COMMD1: variants seen among roughly 807,000 people sequenced by gnomAD.
COMMD1 encodes the protein COMM domain-containing protein 1.
In COMMD1, 10 loss-of-function variants were observed where a neutral mutation model predicts 17.2. That is an observed-to-expected ratio of 0.58 (90% CI 0.36 to 0.99). COMMD1 has a LOEUF of 0.99. COMMD1 is among the 50% of genes least tolerant of loss of function. COMMD1 has a pLI of 0.01. For missense variants in COMMD1, 270 were observed against 231.8 expected (o/e 1.17, Z -1.07); for synonymous variants, 97 against 91.6 (o/e 1.06, Z -0.34).
At chr2:62,130,272 T>G (rs1397109106) in intron 2 of COMMD1, among the ~76,000 whole-genome samples, 16 of 133,632 alleles carry the variant, frequency 1.2e-4, no homozygotes, top group Non-Finnish European at 2.1e-4. Flanking sequence ...TTATGTGACT[T>G]TTTTTTTTTT....
intron 1 of COMMD1, among the ~76,000 whole-genome samples, chr2:61,985,792 CTG>C: frequency 6.6e-6 from 1 of 151,940 alleles, no homozygotes; most frequent in East Asian, 1.9e-4. Flanking sequence ...TGCTTTTTAA[CTG>C]TTTTTTGTTT....
intron 1 of COMMD1, among the ~76,000 whole-genome samples, chr2:61,932,602 G>A (rs1670498807): frequency 6.6e-6 from 1 of 152,210 alleles, no homozygotes; most frequent in Non-Finnish European, 1.5e-5. Flanking sequence ...AGATTTATGT[G>A]TTGATTGGTG....
chr2:62,017,186 T>C (rs1005038434), intron 2 of COMMD1, among the ~76,000 whole-genome samples: 4 of 152,180 alleles, frequency 2.6e-5, no homozygotes, highest in African/African-American at 9.7e-5. Flanking sequence ...AGAGGAAATA[T>C]ATCTGAATTT....
intron 2 of COMMD1, among the ~76,000 whole-genome samples, chr2:62,008,263 A>G (rs13408280): frequency 0.11 from 16,943 of 152,168 alleles, 2,208 homozygotes; most frequent in African/African-American, 0.32. Context: ...AGCCTGAGGA[A>G]TAGTCACCAC....
At chr2:61,904,021 T>A (rs1669715028), upstream of COMMD1, among the ~76,000 whole-genome samples, 1 of 152,188 alleles carries the variant, frequency 6.6e-6, no homozygotes, top group African/African-American at 2.4e-5. Flanking sequence ...ATTATTTTAT[T>A]TTTTTGAGAC....
chr2:62,022,235 A>G (rs1255792697), intron 2 of COMMD1, among the ~76,000 whole-genome samples: 2 of 152,196 alleles, frequency 1.3e-5, no homozygotes, highest in South Asian at 2.1e-4. Context: ...ATAGTATACA[A>G]TCGTATACAA....
At position 62,009,478 on chromosome 2, in the gene COMMD1, G is replaced by T. The variant is rs2103826301; in HGVS notation, c.462+8496G>T. ...AAGTTTGCCAGGCATAGTGGCACAT[G>T]CCTGTAGTCCCAACTACTTGGGAGG... On this transcript the variant is annotated intron_variant, in intron 2 of 2. Coordinates refer to ENST00000311832, the MANE Select transcript of COMMD1 (RefSeq NM_152516.4). Among the ~76,000 whole-genome samples, 4 of 152,054 alleles carry T rather than the reference G, an allele frequency of 2.6e-5. No individual in the cohort carries two copies. In the South Asian group the frequency reaches 8.3e-4, roughly 32 times the overall value.
intron 2 of COMMD1, among the ~76,000 whole-genome samples, chr2:62,043,049 C>G (rs1670283812): frequency 6.6e-6 from 1 of 152,212 alleles, no homozygotes; most frequent in Non-Finnish European, 1.5e-5. Flanking sequence ...TACAGTCTTT[C>G]ACCCGCTAAA....
At chr2:61,960,779 C>G (rs1247892125) in intron 1 of COMMD1, among the ~76,000 whole-genome samples, 1 of 152,174 alleles carries the variant, frequency 6.6e-6, no homozygotes, top group South Asian at 2.1e-4. Flanking sequence ...CGTGCCTTTC[C>G]CTTCTGGAGG....
chr2:62,057,628 G>C (rs1437359350), intron 2 of COMMD1, among the ~76,000 whole-genome samples: 1 of 152,008 alleles, frequency 6.6e-6, no homozygotes, highest in Non-Finnish European at 1.5e-5. Flanking sequence ...GTCTTACTCT[G>C]TTGCCCAGGC....
At chr2:62,123,818 T>G (rs1672818995) in intron 2 of COMMD1, among the ~76,000 whole-genome samples, 2 of 152,016 alleles carry the variant, frequency 1.3e-5, no homozygotes, top group South Asian at 4.1e-4. Context: ...AATAAATCTC[T>G]TGATTTTTAA....
chr2:62,118,843 A>C lies in COMMD1; in HGVS notation c.463-16988A>C, dbSNP rs1672669408. 2.6e-5 allele frequency: 4 copies of C among 152,244 alleles called. No individual in the cohort carries two copies. The South Asian group carries it at 8.3e-4, about 32-fold the overall frequency. 9.4% of individuals were successfully genotyped at this position (152,244 alleles called of 1,614,324 possible). A position where few individuals can be genotyped will look rare whatever the true frequency, so the allele number is the denominator to read the frequency against. ...GTTGTGTTTTTCTTATTTATGGACT[A>C]AATACCAGAAATTATTATTTGTACC... On this transcript the variant is annotated intron_variant, in intron 2 of 2. Transcript: ENST00000311832.
chr2:61,942,396 G>T (rs1258268442), intron 1 of COMMD1, among the ~76,000 whole-genome samples: 1 of 150,906 alleles, frequency 6.6e-6, no homozygotes, highest in African/African-American at 2.4e-5. Context: ...GAGCCACCAC[G>T]CCTGGCTGTT....
At chr2:62,024,243 G>C (rs970687810) in intron 2 of COMMD1, among the ~76,000 whole-genome samples, 1 of 152,012 alleles carries the variant, frequency 6.6e-6, no homozygotes, top group Admixed American at 6.6e-5. Flanking sequence ...TGGAGACAGG[G>C]TCTCCCTCTG....
At chr2:62,104,864 G>T (rs1422274664) in intron 2 of COMMD1, among the ~76,000 whole-genome samples, 1 of 152,016 alleles carries the variant, frequency 6.6e-6, no homozygotes, top group Non-Finnish European at 1.5e-5. Context: ...AGTAGCTCAT[G>T]CCTGTAGTCC....
chr2:61,911,303 C>T (rs770072796), intron 1 of COMMD1, among the ~76,000 whole-genome samples: 2 of 151,934 alleles, frequency 1.3e-5, no homozygotes, highest in African/African-American at 2.4e-5. Flanking sequence ...GGTGAAACCC[C>T]GTCTCTATTA....
intron 1 of COMMD1, among the ~76,000 whole-genome samples, chr2:61,928,066 G>A (rs1159727891): frequency 6.7e-6 from 1 of 148,738 alleles, no homozygotes; most frequent in South Asian, 2.1e-4. Context: ...TGCCTGGCCA[G>A]TTTTTTTTTT....
At chr2:61,893,762 T>C (rs368647957) in intron 1 of COMMD1, among the ~76,000 whole-genome samples, 2 of 150,256 alleles carry the variant, frequency 1.3e-5, no homozygotes, top group African/African-American at 4.9e-5. Flanking sequence ...TGCAGTGAGC[T>C]GAAATCACAC....
chr2:61,991,767 T>G (rs1232130001), intron 1 of COMMD1, among the ~76,000 whole-genome samples: 2 of 152,178 alleles, frequency 1.3e-5, no homozygotes, highest in African/African-American at 4.8e-5. Context: ...ACAAACAGGT[T>G]AGTGCTGTTT....
Sources: gnomAD v4.1 joint callset for allele counts (sites outside exome capture counted in the v4.1 genomes callset) on GRCh38, gnomAD v4.1.1 for gene constraint, MANE v1.5 for transcripts, NCBI Gene and HGNC (gene_info 2026-07-23, HGNC 2026-07-21) for gene names.